Variants in ACTR3C observed in about 807,000 individuals in gnomAD.
ACTR3C encodes the protein actin related protein 3C, also known as actin-related protein 3C.
In ACTR3C, 18 loss-of-function variants were observed where a neutral mutation model predicts 26.3. The observed-to-expected ratio is 0.68, with a 90% CI of 0.47 to 1.01. The LOEUF is 1.01. ACTR3C is among the 50% of genes least tolerant of loss of function. ACTR3C has a pLI of 0.00. For missense variants in ACTR3C, 184 were observed against 250.7 expected (o/e 0.73, Z 1.80); for synonymous variants, 55 against 94.5 (o/e 0.58, Z 2.42).
At chr7:150,193,627 T>G in the ACTR3C span, among the ~76,000 whole-genome samples, 1,002 of 146,014 alleles carry the variant, frequency 6.9e-3, 12 homozygotes, top group African/African-American at 0.024. Flanking sequence ...TACACTTTGA[T>G]GTAGTTCAAA....
chr7:150,237,943 A>G, the ACTR3C span, among the ~76,000 whole-genome samples: 3 of 148,914 alleles, frequency 2.0e-5, no homozygotes, highest in Admixed American at 1.3e-4. Context: ...TATTCCCAAC[A>G]TGGTGTCTGT....
At chr7:150,069,306 C>A in the ACTR3C span, among the ~76,000 whole-genome samples, 1 of 152,026 alleles carries the variant, frequency 6.6e-6, no homozygotes, top group South Asian at 2.1e-4. Context: ...CCCCTGGGAC[C>A]CCACGTTAAG....
At chr7:150,264,616 A>C in intron 6 of ACTR3C, 1 of 972,646 alleles carries the variant, frequency 1.0e-6, no homozygotes, top group East Asian at 1.1e-4. Context: ...TAAAACTTCA[A>C]AGCAAAGACA....
the ACTR3C span, among the ~76,000 whole-genome samples, chr7:150,213,601 A>G: frequency 9.2e-5 from 14 of 152,192 alleles, no homozygotes; most frequent in Non-Finnish European, 1.5e-4. Context: ...AGACTGAGGA[A>G]AAGTTTGGAA....
chr7:149,920,529 T>G, the ACTR3C span, among the ~76,000 whole-genome samples: 14 of 151,914 alleles, frequency 9.2e-5, no homozygotes, highest in Non-Finnish European at 1.8e-4. Flanking sequence ...CCCAGGCTGG[T>G]CTCCAACTCC....
At chr7:150,037,178 A>C in the ACTR3C span, among the ~76,000 whole-genome samples, 19 of 40,098 alleles carry the variant, frequency 4.7e-4, 1 homozygote, top group Admixed American at 8.2e-4. Flanking sequence ...TGGGGGTAGT[A>C]ACAGCCAGGG....
chr7:150,233,084 T>C, the ACTR3C span, among the ~76,000 whole-genome samples: 2 of 152,166 alleles, frequency 1.3e-5, no homozygotes, highest in African/African-American at 2.4e-5. Context: ...CAGATTTGAG[T>C]TTCTGAACTT....
chr7:150,241,197 T>C (rs552347047), downstream of ACTR3C, among the ~76,000 whole-genome samples: 5 of 152,178 alleles, frequency 3.3e-5, no homozygotes, highest in East Asian at 7.7e-4. Flanking sequence ...AAATACAAAA[T>C]GATTTTGAAA....
the ACTR3C span, chr7:150,041,365 G>GCGTTCGGACC: frequency 6.6e-6 from 1 of 150,680 alleles, no homozygotes; most frequent in African/African-American, 2.5e-5. Context: ...TTCCCGAGCT[G>GCGTTCGGACC]CGTTCGGACC....
the ACTR3C span, among the ~76,000 whole-genome samples, chr7:149,986,268 G>A: frequency 6.6e-6 from 1 of 152,134 alleles, no homozygotes. Context: ...CCCCTTTCTC[G>A]CTCATCCCAT....
chr7:149,987,333 A>G, the ACTR3C span, among the ~76,000 whole-genome samples: 7 of 151,442 alleles, frequency 4.6e-5, no homozygotes, highest in African/African-American at 7.3e-5. Context: ...TGGGAGGCTG[A>G]GGCGGGTGGA....
the ACTR3C span, among the ~76,000 whole-genome samples, chr7:149,951,855 G>A: frequency 6.7e-6 from 1 of 150,348 alleles, no homozygotes. Context: ...AGGCATCTTA[G>A]AATTGTGCCC....
the ACTR3C span, among the ~76,000 whole-genome samples, chr7:149,908,685 G>C: frequency 6.6e-6 from 1 of 152,222 alleles, no homozygotes; most frequent in Admixed American, 6.5e-5. Context: ...GCTACATGTA[G>C]AGAACAGACT....
At chr7:150,161,438 A>C in the ACTR3C span, among the ~76,000 whole-genome samples, 1 of 151,424 alleles carries the variant, frequency 6.6e-6, no homozygotes, top group African/African-American at 2.4e-5. Context: ...TTGTTCAATT[A>C]CCACATATGA....
Position 150,289,716 on chromosome 7 carries a change from C to A in ACTR3C, c.154-123G>T, listed in dbSNP as rs527646342. On this transcript the variant is annotated intron_variant, in intron 3 of 7. Coordinates refer to ENST00000683684, the MANE Select transcript of ACTR3C (RefSeq NM_001164458.2). Reference sequence around the variant, plus strand: ...CCCTCACGGCACTGACAAGCATTGACAGAATCCCCACCCTCTGCAAGCTCA... The same window carrying A: ...CCCTCACGGCACTGACAAGCATTGAAAGAATCCCCACCCTCTGCAAGCTCA... 2.2e-4 allele frequency: 333 copies of A among 1,515,286 alleles called. No homozygotes were observed. The African/African-American group carries it at 4.1e-3, about 19-fold the overall frequency. The allele number at this position is 1,515,286 out of a possible 1,614,324, so 93.9% of individuals were successfully genotyped here.
the ACTR3C span, among the ~76,000 whole-genome samples, chr7:150,129,800 C>T: frequency 6.6e-6 from 1 of 152,050 alleles, no homozygotes; most frequent in Non-Finnish European, 1.5e-5. Flanking sequence ...CTTAATATTC[C>T]AGGTGGATTT....
the ACTR3C span, among the ~76,000 whole-genome samples, chr7:150,037,837 C>A: frequency 2.6e-5 from 2 of 76,094 alleles, no homozygotes; most frequent in African/African-American, 9.9e-5. Flanking sequence ...GTCCCTGCCT[C>A]GCGGAGGGTG....
the ACTR3C span, among the ~76,000 whole-genome samples, chr7:150,031,770 G>A: frequency 3.3e-5 from 5 of 152,216 alleles, no homozygotes; most frequent in East Asian, 9.6e-4. Flanking sequence ...TTACGTAGTG[G>A]TATTCAGTAG....
chr7:150,035,447 G>A, the ACTR3C span, among the ~76,000 whole-genome samples: 2 of 109,920 alleles, frequency 1.8e-5, 1 homozygote, highest in Non-Finnish European at 4.1e-5. Flanking sequence ...TGACTCGCGG[G>A]GGGTGCCTCC....
Sources: gnomAD v4.1 joint callset for allele counts (sites outside exome capture counted in the v4.1 genomes callset) on GRCh38, gnomAD v4.1.1 for gene constraint, MANE v1.5 for transcripts, NCBI Gene and HGNC (gene_info 2026-07-23, HGNC 2026-07-21) for gene names.